The following CLCN2 variants were observed in gnomAD, a reference collection of about 807,000 sequenced individuals.
CLCN2 encodes the protein chloride voltage-gated channel 2, also known as chloride channel protein 2.
Under a neutral mutation model 108.3 loss-of-function variants are expected in CLCN2, and 72 were observed. The ratio of observed to expected loss-of-function variants is 0.66; its 90% CI spans 0.55 to 0.81. The LOEUF is 0.81. Ranked by LOEUF, CLCN2 falls within the 30% of genes least tolerant of loss-of-function variation. The probability of loss-of-function intolerance (pLI) is 0.00; values close to 1 mark genes in which losing one functional copy is unlikely to be tolerated. For missense variants in CLCN2, 1,048 were observed against 1,205.2 expected (o/e 0.87, Z 1.93); for synonymous variants, 471 against 467.1 (o/e 1.01, Z -0.11).
rs115993657 is a variant in CLCN2, at chr3:184,347,304, G to A, written c.2416-283C>T. The A allele has an allele frequency of 7.3e-3, 3,538 of 481,540 alleles. 17 individuals carry two copies. The highest frequency in any genetic ancestry group is 0.012 in the Non-Finnish European group (3,060 of 261,866). 29.8% of individuals were successfully genotyped at this position (481,540 alleles called of 1,614,324 possible). Reference sequence around the variant, plus strand: ...ATTCTTAGTCCCATGTTAGAAAGGGGGACGTGGGACAGAACAACTGTTCAC... The same window carrying A: ...ATTCTTAGTCCCATGTTAGAAAGGGAGACGTGGGACAGAACAACTGTTCAC... On this transcript the variant is annotated intron_variant, in intron 22 of 23. Transcript: ENST00000265593.
rs769425225 is a variant in CLCN2, at chr3:184,359,093, G to C, written c.102C>G (p.Ala34=). 1.2e-6 allele frequency: 2 copies of C among 1,613,742 alleles called. No homozygotes were observed. The highest frequency in any genetic ancestry group is 1.7e-6 in the Non-Finnish European group (2 of 1,180,032). Residue 34 remains alanine, a synonymous_variant, in exon 2 of 24, where the codon GCC becomes GCG. Transcript: ENST00000265593. The stretch of plus-strand genomic sequence containing the variant: ...GGCGAATCCGAGCAGCTTCCTCTTT[G>C]GCAAAGGCCCCAAGGTCCTGAGTGT... ...GRYTQDLGAF[A]KEEAARIRLG...
intron 13 of CLCN2, 94 bp downstream of exon 13, chr3:184,354,810 A>G: frequency 6.8e-7 from 1 of 1,471,506 alleles, no homozygotes; most frequent in African/African-American, 1.4e-5. Context: ...CTAGGGCTGG[A>G]CCAAAAACCC....
At chr3:184,357,753 C>G (rs1272749624) in intron 6 of CLCN2, 26 bp downstream of exon 6, 1 of 1,613,800 alleles carries the variant, frequency 6.2e-7, no homozygotes, top group Non-Finnish European at 8.5e-7. Context: ...GCCTCTGCCC[C>G]CTACTTGCCC....
chr3:184,350,550 C>T (rs1202449095), intron 22 of CLCN2, among the ~76,000 whole-genome samples: 2 of 152,164 alleles, frequency 1.3e-5, no homozygotes, highest in Non-Finnish European at 2.9e-5. Flanking sequence ...ATTCTCCTGC[C>T]TCAGCCTCCC....
At chr3:184,358,914 A>T in intron 2 of CLCN2, 61 bp downstream of exon 2, 1 of 1,613,292 alleles carries the variant, frequency 6.2e-7, no homozygotes, top group Admixed American at 1.7e-5. Context: ...AGCAGCTCTA[A>T]TGGCCTCTGC....
chr3:184,360,604 A>G (rs1226518587), intron 1 of CLCN2, among the ~76,000 whole-genome samples: 1 of 152,184 alleles, frequency 6.6e-6, no homozygotes, highest in Admixed American at 6.5e-5. Flanking sequence ...ATTCCAGCCC[A>G]AGCTGGTAAA....
rs773674848 is a variant in CLCN2, at chr3:184,358,989, C to A, written c.206G>T (p.Cys69Phe). Reference protein sequence around the residue: ...PELLEYGRSRCARCRVCSVRC... With the variant: ...PELLEYGRSRFARCRVCSVRC... The stretch of plus-strand genomic sequence containing the variant: ...CCAGTTCTCACCGCGGCATCGGGCG[C>A]AACGGCTCCGTCCATATTCCAAGAG... The change falls in exon 2 of 24, where the codon TGC (cysteine) becomes TTC (phenylalanine). Residue 69 changes from cysteine (C) to phenylalanine (F), a missense_variant. Transcript: ENST00000265593. 8.0e-5 allele frequency: 129 copies of A among 1,613,482 alleles called. No individual in the cohort carries two copies. The highest frequency in any genetic ancestry group is 1.0e-4 in the Non-Finnish European group (119 of 1,180,036).
Position 184,355,515 on chromosome 3 carries a change from C to G in CLCN2, c.1185G>C (p.Glu395Asp). The G allele has an allele frequency of 6.2e-7, 1 of 1,614,126 alleles. No homozygotes were observed. The highest frequency in any genetic ancestry group is 8.5e-7 in the Non-Finnish European group (1 of 1,180,026). Reference protein sequence around the residue: ...QFMAGQLSQKETLVTLFDNRT... With the variant: ...QFMAGQLSQKDTLVTLFDNRT... ...GATTGTCAAACAGGGTGACCAGCGT[C>G]TCTTTCTGTGAGAGCTAGAGTGAAC... is the stretch of plus-strand genomic sequence containing the variant. The change falls in exon 12 of 24, where the codon GAG (glutamate) becomes GAC (aspartate). Residue 395 changes from glutamate (E) to aspartate (D), a missense_variant. Physicochemically the swap from Glu to Asp is conservative, Grantham distance 45 (BLOSUM62 2). Transcript: ENST00000265593. The surrounding 1 kb of genome is among the most constrained non-coding windows in gnomAD (Gnocchi z 6.3).
At position 184,350,310 on chromosome 3, in the gene CLCN2, ACT is replaced by A. The variant is rs942821869; in HGVS notation, c.2415+1701_2415+1702del. ...CCAGGAAATCTGGGCTCTGGGCCTGACTCTGCTGTGCTGACTCAGGCACGTGA... is the reference window on the plus strand; with the variant it reads ...CCAGGAAATCTGGGCTCTGGGCCTGACTGCTGTGCTGACTCAGGCACGTGA... On this transcript the variant is annotated intron_variant, in intron 22 of 23. Coordinates refer to ENST00000265593, the MANE Select transcript of CLCN2 (RefSeq NM_004366.6). 5.3e-5 allele frequency among the ~76,000 whole-genome samples: 8 copies of A among 151,646 alleles called. No homozygotes were observed. The South Asian group carries it at 8.3e-4, about 16-fold the overall frequency.
At chr3:184,348,768 C>T (rs9869577) in intron 22 of CLCN2, 74,857 of 152,004 alleles carry the variant, frequency 0.49, 18,794 homozygotes, top group Middle Eastern at 0.61. Flanking sequence ...ACAATCCTAA[C>T]CAGGTGAGCT....
At chr3:184,358,862 TACCCCTTTTACTGCCCCCTCAA>T (rs763949787) in intron 2 of CLCN2, 49 bp from the exon 3 acceptor site, 135 of 1,613,656 alleles carry the variant, frequency 8.4e-5, no homozygotes, top group Non-Finnish European at 1.1e-4. Context: ...AAAGTGCTCC[TACCCCTTTTACTGCCCCCTCAA>T]CTGTCCCCTC....
At chr3:184,350,789 TCA>T (rs560166986) in intron 22 of CLCN2, among the ~76,000 whole-genome samples, 4 of 152,218 alleles carry the variant, frequency 2.6e-5, no homozygotes, top group Non-Finnish European at 5.9e-5. Context: ...TCTCTGAATC[TCA>T]GTTTTCTTAT....
Position 184,354,570 on chromosome 3 carries a change from C to A in CLCN2, c.1485G>T (p.Val495=), listed in dbSNP as rs902713312. ...CACCGACCACAGCGTAGCCCCCAGG[C>A]ACAATCCGGTAGGTGCTGCTGTCCG... ...IHTDSSTYRI[V]PGGYAVVGAA... The change falls in exon 14 of 24, where the codon GTG becomes GTT. Residue 495 remains valine (V), a synonymous_variant. Coordinates refer to ENST00000265593, the MANE Select transcript of CLCN2 (RefSeq NM_004366.6). 2 of 1,613,202 alleles carry A rather than the reference C, an allele frequency of 1.2e-6. No individual in the cohort carries two copies. The highest frequency in any genetic ancestry group is 3.3e-5 in the Admixed American group (2 of 60,006).
At position 184,358,699 on chromosome 3, in the gene CLCN2, A is replaced by G; in HGVS notation, c.335T>C (p.Ile112Thr). The part of the protein sequence containing the change: ...ALVSWVMDYA[I>T]AACLQAQQWM... ...ACCCTCACCTTGCAGACAGGCAGCAATGGCATAGTCCATGACCCAGCTGAC... is the reference window on the plus strand; with the variant it reads ...ACCCTCACCTTGCAGACAGGCAGCAGTGGCATAGTCCATGACCCAGCTGAC... The change falls in exon 3 of 24, where the codon ATT (isoleucine) becomes ACT (threonine). Residue 112 changes from isoleucine to threonine, a missense_variant. Ile to Thr is a moderately conservative substitution (Grantham distance 89, BLOSUM62 -1). Transcript: ENST00000265593. 6.3e-7 allele frequency: 1 copy of G among 1,581,562 alleles called. No homozygotes were observed. The highest frequency in any genetic ancestry group is 1.3e-5 in the African/African-American group (1 of 74,288).
chr3:184,355,895 C>T lies in CLCN2; in HGVS notation c.1086-117G>A, dbSNP rs1233718173. The T allele has an allele frequency of 9.9e-6, 8 of 810,582 alleles. No homozygotes were observed. In the East Asian group the frequency reaches 1.9e-4, roughly 19 times the overall value. 50.2% of individuals were successfully genotyped at this position (810,582 alleles called of 1,614,324 possible). ...CTTTCATGAAAACACTCAGTCCTGA[C>T]AGAAGGTCTCCTTTGCTGTTTATGA... On this transcript the variant is annotated intron_variant, in intron 10 of 23. Transcript: ENST00000265593. This position sits in a 1 kb window ranked among gnomAD's most constrained non-coding sequence, Gnocchi z 6.3.
At chr3:184,357,885 G>A (rs763667086) in intron 5 of CLCN2, 29 bp from the exon 6 acceptor site, 3 of 1,613,412 alleles carry the variant, frequency 1.9e-6, no homozygotes, top group Non-Finnish European at 2.5e-6. Flanking sequence ...GGTGAGTCGG[G>A]AGGGGGCCCG....
At position 184,355,251 on chromosome 3, in the gene CLCN2, G is replaced by C; in HGVS notation, c.1326+123C>G. 1.8e-6 allele frequency: 2 copies of C among 1,112,772 alleles called. No individual in the cohort carries two copies. Among genetic ancestry groups the C allele is most frequent in the Non-Finnish European group, 1.4e-6 (1 of 731,148 alleles). 68.9% of individuals were successfully genotyped at this position (1,112,772 alleles called of 1,614,324 possible). ...GTTTCGACTCCCCCATCTTTCAAACGGGGGTGATAATAGTGCCTTTCCCAT... is the reference window on the plus strand; with the variant it reads ...GTTTCGACTCCCCCATCTTTCAAACCGGGGTGATAATAGTGCCTTTCCCAT... On this transcript the variant is annotated intron_variant, in intron 12 of 23. Transcript: ENST00000265593. This position sits in a 1 kb window ranked among gnomAD's most constrained non-coding sequence, Gnocchi z 6.3.
Position 184,355,710 on chromosome 3 carries a change from T to C in CLCN2, c.1154A>G (p.Gln385Arg), listed in dbSNP as rs1728498227. 3 of 1,614,190 alleles carry C rather than the reference T, an allele frequency of 1.9e-6. No homozygotes were observed. The highest frequency in any genetic ancestry group is 2.5e-6 in the Non-Finnish European group (3 of 1,180,024). The change falls in exon 11 of 24, where the codon CAG (glutamine) becomes CGG (arginine). Residue 385 changes from glutamine (Q) to arginine (R), a missense_variant. Coordinates refer to ENST00000265593, the MANE Select transcript of CLCN2 (RefSeq NM_004366.6). The surrounding 1 kb of genome is among the most constrained non-coding windows in gnomAD (Gnocchi z 6.3). ...TGTGGTTACCTGTCCAGCCATGAAC[T>C]GTCCAAAGCCAGGGGGGAAGGTCAG... ...STLTFPPGFG[Q>R]FMAGQLSQKE...
intron 10 of CLCN2, chr3:184,356,056 G>T: frequency 2.2e-6 from 1 of 460,172 alleles, no homozygotes; most frequent in South Asian, 2.1e-5. Context: ...CCCTCCCTTG[G>T]GGCCCTCCGA....
Sources: allele counts gnomAD v4.1 joint callset (sites outside exome capture counted in the v4.1 genomes callset), GRCh38; gene constraint gnomAD v4.1.1; non-coding constraint Gnocchi (gnomAD v3.1); transcripts MANE v1.5; gene names NCBI Gene and HGNC (gene_info 2026-07-23, HGNC 2026-07-21).